The following PARP14 variants were observed in gnomAD, a reference collection of about 807,000 sequenced individuals.
The protein encoded by PARP14 is protein mono-ADP-ribosyltransferase PARP14.
Under a neutral mutation model 154.2 loss-of-function variants are expected in PARP14, and 59 were observed. That is an observed-to-expected ratio of 0.38 (90% CI 0.31 to 0.48). PARP14 has a LOEUF of 0.48. Ranked by LOEUF, PARP14 falls within the 20% of genes least tolerant of loss-of-function variation. The pLI is 0.98. For synonymous variants in PARP14, 720 were observed against 780.5 expected, an observed-to-expected ratio of 0.92 and a Z score of 1.29; for missense variants, 1,734 against 2,131.6, an observed-to-expected ratio of 0.81 and a Z score of 3.67.
In PARP14 at chr3:122,701,060, G is replaced by A. The variant is rs759046282; in HGVS notation, c.2506G>A (p.Ala836Thr). The A allele has an allele frequency of 1.9e-6, 3 of 1,613,884 alleles. No homozygotes were observed. The highest frequency in any genetic ancestry group is 2.5e-6 in the Non-Finnish European group (3 of 1,179,880). ...DLKHYGGLAAALSKAAGPELQ... is the reference protein window; with the variant it reads ...DLKHYGGLAATLSKAAGPELQ... Reference sequence around the variant, plus strand: ...TAAGCATTATGGTGGCCTGGCCGCTGCGCTCTCAAAAGCAGCTGGCCCTGA... The same window carrying A: ...TAAGCATTATGGTGGCCTGGCCGCTACGCTCTCAAAAGCAGCTGGCCCTGA... Residue 836 changes from alanine to threonine, a missense_variant, in exon 6 of 17, where the codon GCG (alanine) becomes ACG (threonine). This residue lies in a region of PARP14 where 1,646 missense variants were observed against 1,976.0 expected (regional missense o/e 0.83). Coordinates refer to ENST00000474629, the MANE Select transcript of PARP14 (RefSeq NM_017554.3). This position sits in a 1 kb window ranked among gnomAD's most constrained non-coding sequence, Gnocchi z 4.0.
intron 4 of PARP14, among the ~76,000 whole-genome samples, chr3:122,694,531 T>C (rs1426760484): frequency 6.6e-6 from 1 of 152,152 alleles, no homozygotes; most frequent in Non-Finnish European, 1.5e-5. Context: ...CCACCATCAA[T>C]ACTTATTATT....
intron 13 of PARP14, 24 bp downstream of exon 13, chr3:122,718,301 T>C (rs751342983): frequency 6.2e-7 from 1 of 1,611,446 alleles, no homozygotes; most frequent in Non-Finnish European, 8.5e-7. Flanking sequence ...TTTTATGAAA[T>C]GCATGTTCAT....
rs145708110 is a variant in PARP14 at position 122,696,537 on chromosome 3, C to T, written c.835+875C>T. Among the ~76,000 whole-genome samples, 144 of 152,258 alleles carry T rather than the reference C, an allele frequency of 9.5e-4. No individual in the cohort carries two copies. The East Asian group carries it at 0.014, about 15-fold the overall frequency. On this transcript the variant is annotated intron_variant, in intron 5 of 16. Coordinates refer to ENST00000474629, the MANE Select transcript of PARP14 (RefSeq NM_017554.3). ...CCTTGGGCAAAGGGACAAAGAGGAG[C>T]TTCTGTCACATATTCAAATCTCCCT...
At position 122,686,390 on chromosome 3, in the gene PARP14, T is replaced by A. The variant is rs143643912; in HGVS notation, c.322-690T>A. Among the ~76,000 whole-genome samples the A allele has an allele frequency of 1.3e-4, 20 of 152,106 alleles. No homozygotes were observed. In the East Asian group the frequency reaches 3.7e-3, roughly 28 times the overall value. On this transcript the variant is annotated intron_variant, in intron 2 of 16. Coordinates refer to ENST00000474629, the MANE Select transcript of PARP14 (RefSeq NM_017554.3). ...GGCTGCTCTTGAACTGCTGGGCTCA[T>A]GTGATCCACTTGCCTTGGCCTCCCA...
chr3:122,704,802 CA>C, intron 8 of PARP14, 54 bp downstream of exon 8: 2 of 991,332 alleles, frequency 2.0e-6, no homozygotes, highest in Non-Finnish European at 3.0e-6. Context: ...AGTGTTTTTT[CA>C]AATGTCTTTT....
intron 7 of PARP14, 106 bp from the exon 8 acceptor site, chr3:122,704,421 A>C: frequency 1.5e-6 from 1 of 668,424 alleles, no homozygotes; most frequent in South Asian, 2.0e-5. Context: ...CAGTGTTGAC[A>C]GCAAAAAGGA....
chr3:122,707,546 G>A (rs1939198220), intron 8 of PARP14, among the ~76,000 whole-genome samples: 1 of 152,136 alleles, frequency 6.6e-6, no homozygotes, highest in African/African-American at 2.4e-5. Flanking sequence ...GCCAAGGCAG[G>A]AGGATCACTT....
intron 4 of PARP14, among the ~76,000 whole-genome samples, chr3:122,692,823 G>A (rs1938584681): frequency 1.3e-5 from 2 of 152,134 alleles, no homozygotes; most frequent in African/African-American, 2.4e-5. Context: ...AAGAAAGTGC[G>A]TGAACACAGC....
Position 122,700,020 on chromosome 3 carries a change from A to G in PARP14, c.1466A>G (p.His489Arg), listed in dbSNP as rs917662170. 1.9e-6 allele frequency: 3 copies of G among 1,613,968 alleles called. No individual in the cohort carries two copies. Among genetic ancestry groups the G allele is most frequent in the Middle Eastern group, 1.6e-4 (1 of 6,062 alleles). The change falls in exon 6 of 17, where the codon CAT becomes CGT. Residue 489 changes from histidine to arginine, a missense_variant. By Grantham distance (29) the His-to-Arg change is conservative. Transcript: ENST00000474629. ...FLLCHSSLLD[H>R]LLTECPEIEI... ...TTGTGTCACAGCAGTCTACTGGACC[A>G]TTTACTCACGGAGTGCCCAGAGATA... is the stretch of plus-strand genomic sequence containing the variant.
intron 8 of PARP14, among the ~76,000 whole-genome samples, chr3:122,705,461 A>G (rs1008615809): frequency 6.6e-6 from 1 of 152,228 alleles, no homozygotes; most frequent in South Asian, 2.1e-4. Context: ...GCACATTCCC[A>G]TGTAAATAGG....
chr3:122,728,400 C>T lies in PARP14; in HGVS notation c.5209C>T (p.His1737Tyr), dbSNP rs1327730961. 6.2e-7 allele frequency: 1 copy of T among 1,613,430 alleles called. No homozygotes were observed. The highest frequency in any genetic ancestry group is 1.3e-5 in the African/African-American group (1 of 74,898). Residue 1737 changes from histidine (H) to tyrosine (Y), a missense_variant, in exon 17 of 17, where the codon CAT (histidine) becomes TAT (tyrosine). This residue lies in a region of PARP14 where 88 missense variants were observed against 155.6 expected (regional missense o/e 0.57). Transcript: ENST00000474629. ...YSRPDANGRK[H>Y]VYYVRVLTGI... ...CAGACCAGATGCAAATGGGAGAAAGCATGTGTATTATGTGCGAGTACTTAC... is the reference window on the plus strand; with the variant it reads ...CAGACCAGATGCAAATGGGAGAAAGTATGTGTATTATGTGCGAGTACTTAC...
chr3:122,701,609 G>A lies in PARP14; in HGVS notation c.3055G>A (p.Val1019Met). 6.3e-7 allele frequency: 1 copy of A among 1,599,954 alleles called. No homozygotes were observed. Among genetic ancestry groups the A allele is most frequent in the Non-Finnish European group, 8.5e-7 (1 of 1,172,940 alleles). ...VSPGGLQMLL[V>M]KEGVQNAKTD... ...CCCGGGAGGCCTGCAGATGCTGTTG[G>A]TGAAAGAGGGTGTGCAGAATGCTAA... is the stretch of plus-strand genomic sequence containing the variant. Residue 1019 changes from valine to methionine, a missense_variant, in exon 6 of 17, where the codon GTG (valine) becomes ATG (methionine). This residue lies in a region of PARP14 where 1,646 missense variants were observed against 1,976.0 expected (regional missense o/e 0.83). Transcript: ENST00000474629. The surrounding 1 kb of genome is among the most constrained non-coding windows in gnomAD (Gnocchi z 4.0).
intron 12 of PARP14, among the ~76,000 whole-genome samples, chr3:122,715,019 T>C (rs1465498085): frequency 6.6e-6 from 1 of 152,196 alleles, no homozygotes; most frequent in Non-Finnish European, 1.5e-5. Flanking sequence ...CTTCTTTGAT[T>C]TTCTTCTTTT....
chr3:122,709,892 G>T (rs1576594752), intron 9 of PARP14, among the ~76,000 whole-genome samples: 1 of 145,684 alleles, frequency 6.9e-6, no homozygotes, highest in Non-Finnish European at 1.5e-5. Context: ...GGGATTATTT[G>T]TTTTTTTTTT....
Position 122,729,434 on chromosome 3 carries a change from CTTTT to C in PARP14, c.*851_*854del, listed in dbSNP as rs35035581. ...TTTTTAATGCTGAACCAAAATGTGC[CTTTT>C]TTTTTTTTTTTTTGAGATGGAGTTT... On this transcript the variant is annotated 3_prime_UTR_variant, in exon 17 of 17. Coordinates refer to ENST00000474629, the MANE Select transcript of PARP14 (RefSeq NM_017554.3). The C allele has an allele frequency of 9.7e-5, 13 of 133,888 alleles. No individual in the cohort carries two copies. Among genetic ancestry groups the C allele is most frequent in the East Asian group, 4.4e-4 (2 of 4,526 alleles). 8.3% of individuals were successfully genotyped at this position (133,888 alleles called of 1,614,324 possible). A position where few individuals can be genotyped will look rare whatever the true frequency, so the allele number is the denominator to read the frequency against.
In PARP14 at chr3:122,699,812, G is replaced by T; in HGVS notation, c.1258G>T (p.Asp420Tyr). The T allele has an allele frequency of 6.2e-7, 1 of 1,613,986 alleles. No individual in the cohort carries two copies. The highest frequency in any genetic ancestry group is 1.1e-5 in the South Asian group (1 of 91,076). Residue 420 changes from aspartate (D) to tyrosine (Y), a missense_variant, in exon 6 of 17, where the codon GAC (aspartate) becomes TAC (tyrosine). Physicochemically the swap from Asp to Tyr is radical, Grantham distance 160. Coordinates refer to ENST00000474629, the MANE Select transcript of PARP14 (RefSeq NM_017554.3). ...WDTIKNDVKD[D>Y]RILIEFDTLK... is the part of the protein sequence containing the mutation. ...CACCATAAAAAATGATGTGAAAGAT[G>T]ACAGGATTTTGATTGAGTTTGATAC...
chr3:122,710,201 G>A (rs1939279612), intron 9 of PARP14, among the ~76,000 whole-genome samples: 1 of 148,490 alleles, frequency 6.7e-6, no homozygotes, highest in Non-Finnish European at 1.5e-5. Context: ...GGTCTTAAAT[G>A]TAAGTCTTTG....
Position 122,681,111 on chromosome 3 carries a change from G to A in PARP14, c.187+41G>A. 7.5e-7 allele frequency: 1 copy of A among 1,341,914 alleles called. No homozygotes were observed. Among genetic ancestry groups the A allele is most frequent in the Non-Finnish European group, 1.0e-6 (1 of 980,608 alleles). The allele number at this position is 1,341,914 out of a possible 1,614,324, so 83.1% of individuals were successfully genotyped here. On this transcript the variant is annotated intron_variant, in intron 1 of 16. Coordinates refer to ENST00000474629, the MANE Select transcript of PARP14 (RefSeq NM_017554.3). The surrounding 1 kb of genome is among the most constrained non-coding windows in gnomAD (Gnocchi z 5.5). ...GGTGGGGTGAGGAGGGGGCACCTCT[G>A]CCCTCCCTCCAGGGAAATGGCGGCA... is the stretch of plus-strand genomic sequence containing the variant.
intron 3 of PARP14, among the ~76,000 whole-genome samples, chr3:122,687,590 G>A (rs942859825): frequency 1.3e-5 from 2 of 152,208 alleles, no homozygotes; most frequent in East Asian, 3.9e-4. Flanking sequence ...GTGCAGGATT[G>A]GATTGGAGGA....
Sources: gnomAD v4.1 joint callset for allele counts (sites outside exome capture counted in the v4.1 genomes callset) on GRCh38, gnomAD v4.1.1 for gene constraint, gnomAD v4.1.1 regional missense constraint, Gnocchi (gnomAD v3.1) non-coding constraint, MANE v1.5 for transcripts, NCBI Gene and HGNC (gene_info 2026-07-23, HGNC 2026-07-21) for gene names.